GRHL2: variants seen among roughly 807,000 people sequenced by gnomAD.
GRHL2 encodes grainyhead like transcription factor 2.
Under a neutral mutation model 83.8 loss-of-function variants are expected in GRHL2, and 21 were observed. That is an observed-to-expected ratio of 0.25 (90% CI 0.18 to 0.36). GRHL2 has a LOEUF of 0.36. GRHL2 is among the 10% of genes least tolerant of loss of function. The pLI is 1.00. For missense variants in GRHL2, 623 were observed against 781.8 expected, an observed-to-expected ratio of 0.80 and a Z score of 2.42; for synonymous variants, 280 against 278.9, an observed-to-expected ratio of 1.00 and a Z score of -0.04.
At chr8:101,532,645 CG>C (rs1027861230) in intron 1 of GRHL2, among the ~76,000 whole-genome samples, 1 of 150,554 alleles carries the variant, frequency 6.6e-6, no homozygotes, top group African/African-American at 2.4e-5. Flanking sequence ...AGCTACTCGG[CG>C]GGGGGGCTGA....
chr8:101,637,843 A>G (rs1305956107), intron 12 of GRHL2, among the ~76,000 whole-genome samples: 2 of 152,170 alleles, frequency 1.3e-5, no homozygotes, highest in South Asian at 2.1e-4. Context: ...GATAAGTCTC[A>G]TCTTCCCTCG....
At chr8:101,661,283 G>A (rs988320234) in intron 14 of GRHL2, among the ~76,000 whole-genome samples, 1 of 152,164 alleles carries the variant, frequency 6.6e-6, no homozygotes, top group African/African-American at 2.4e-5. Flanking sequence ...GCATGCCACT[G>A]GTGGCTTTTT....
intron 1 of GRHL2, among the ~76,000 whole-genome samples, chr8:101,509,979 C>A (rs893504320): frequency 1.3e-5 from 2 of 152,146 alleles, no homozygotes; most frequent in African/African-American, 4.8e-5. Flanking sequence ...GGTTGTATTG[C>A]ATATTTTTAT....
At chr8:101,583,985 G>A (rs895909219) in intron 7 of GRHL2, among the ~76,000 whole-genome samples, 2 of 152,152 alleles carry the variant, frequency 1.3e-5, no homozygotes, top group Admixed American at 6.5e-5. Context: ...TTCAGAACGG[G>A]CAGTACAGGT....
At chr8:101,617,329 C>T (rs1812876654) in intron 8 of GRHL2, among the ~76,000 whole-genome samples, 1 of 151,336 alleles carries the variant, frequency 6.6e-6, no homozygotes, top group African/African-American at 2.4e-5. Context: ...GATGTGGTAC[C>T]CCACTAAGAC....
intron 7 of GRHL2, among the ~76,000 whole-genome samples, chr8:101,598,430 G>A (rs1032082573): frequency 4.6e-5 from 7 of 151,574 alleles, no homozygotes; most frequent in African/African-American, 1.7e-4. Context: ...AGTAGAGACA[G>A]GGTTTCACCA....
Position 101,527,322 on chromosome 8 carries a change from G to A in GRHL2, c.21-15919G>A, listed in dbSNP as rs112095812. Among the ~76,000 whole-genome samples the A allele has an allele frequency of 4.9e-3, 744 of 151,954 alleles. 1 individual carries two copies. The highest frequency in any genetic ancestry group is 0.016 in the African/African-American group (672 of 41,428). ...AACCATTATGTATTACTCTCCTTAC[G>A]TACAAAGCAAAATCAACATGCTTTT... On this transcript the variant is annotated intron_variant, in intron 1 of 15. Coordinates refer to ENST00000646743, the MANE Select transcript of GRHL2 (RefSeq NM_024915.4).
At chr8:101,660,157 C>T (rs1813887856) in intron 14 of GRHL2, among the ~76,000 whole-genome samples, 1 of 152,220 alleles carries the variant, frequency 6.6e-6, no homozygotes, top group Non-Finnish European at 1.5e-5. Context: ...AAAGTTATTA[C>T]ATCTGTAACA....
intron 8 of GRHL2, among the ~76,000 whole-genome samples, chr8:101,608,056 TTGTG>T (rs778452818): frequency 6.6e-6 from 1 of 152,242 alleles, no homozygotes; most frequent in Non-Finnish European, 1.5e-5. Context: ...CATAAAATGA[TTGTG>T]TGTGCGTGTG....
chr8:101,515,183 C>CACACACAG (rs1586410112), intron 1 of GRHL2, among the ~76,000 whole-genome samples: 2 of 148,136 alleles, frequency 1.4e-5, no homozygotes, highest in East Asian at 4.1e-4. Flanking sequence ...TCTGCACACA[C>CACACACAG]ACACACACAC....
intron 1 of GRHL2, among the ~76,000 whole-genome samples, chr8:101,521,436 A>G (rs148579554): frequency 3.1e-3 from 468 of 152,278 alleles, no homozygotes; most frequent in Non-Finnish European, 5.5e-3. Flanking sequence ...AGGTGTTGTG[A>G]GGTGCTCCTG....
At chr8:101,676,757 C>G in the GRHL2 span, among the ~76,000 whole-genome samples, 1 of 152,136 alleles carries the variant, frequency 6.6e-6, no homozygotes, top group African/African-American at 2.4e-5. Context: ...AAGATACATG[C>G]ACACATATGT....
chr8:101,593,429 GA>G (rs945174596), intron 7 of GRHL2, among the ~76,000 whole-genome samples: 2 of 152,000 alleles, frequency 1.3e-5, no homozygotes, highest in East Asian at 1.9e-4. Context: ...TTTTTTAGGG[GA>G]AAAAAGTCCA....
At chr8:101,552,087 G>C (rs1811392870) in intron 2 of GRHL2, among the ~76,000 whole-genome samples, 2 of 151,976 alleles carry the variant, frequency 1.3e-5, no homozygotes, top group African/African-American at 4.8e-5. Context: ...CGCCCGCCTT[G>C]GCCTCCCAAA....
the GRHL2 span, among the ~76,000 whole-genome samples, chr8:101,676,371 A>T: frequency 6.6e-6 from 1 of 150,798 alleles, no homozygotes; most frequent in African/African-American, 2.4e-5. Flanking sequence ...CAAGAAAAAA[A>T]CAAACAACCC....
At chr8:101,542,856 A>G in intron 1 of GRHL2, 1 of 457,704 alleles carries the variant, frequency 2.2e-6, no homozygotes, top group South Asian at 1.5e-5. Flanking sequence ...GTCACAATGA[A>G]CCCACTCCTT....
intron 14 of GRHL2, among the ~76,000 whole-genome samples, chr8:101,658,943 TACC>T (rs1813856971): frequency 6.6e-6 from 1 of 152,188 alleles, no homozygotes; most frequent in Non-Finnish European, 1.5e-5. Context: ...TCGGGGTGCT[TACC>T]TTTTTGTGCC....
intron 1 of GRHL2, among the ~76,000 whole-genome samples, chr8:101,505,820 C>T (rs947126341): frequency 6.6e-6 from 1 of 152,044 alleles, no homozygotes; most frequent in African/African-American, 2.4e-5. Context: ...TGAAGTTGAA[C>T]TGGTGCAGCA....
At position 101,593,615 on chromosome 8, in the gene GRHL2, G is replaced by A. The variant is rs186099720; in HGVS notation, c.1004-5442G>A. Among the ~76,000 whole-genome samples, 25 of 152,252 alleles carry A rather than the reference G, an allele frequency of 1.6e-4. No homozygotes were observed. In the East Asian group the frequency reaches 4.1e-3, roughly 25 times the overall value. ...ATCCCAGACGTAGGAGGTTGAGTGG[G>A]ACCCTCAAAAATGATATGTCCTCGT... On this transcript the variant is annotated intron_variant, in intron 7 of 15. Coordinates refer to ENST00000646743, the MANE Select transcript of GRHL2 (RefSeq NM_024915.4).
Sources: gnomAD v4.1 joint callset for allele counts (sites outside exome capture counted in the v4.1 genomes callset) on GRCh38, gnomAD v4.1.1 for gene constraint, MANE v1.5 for transcripts, NCBI Gene and HGNC (gene_info 2026-07-23, HGNC 2026-07-21) for gene names.